PIGK: variants seen among roughly 807,000 people sequenced by gnomAD.
PIGK encodes GPI-anchor transamidase.
Under a neutral mutation model 50.6 loss-of-function variants are expected in PIGK, and 42 were observed. The ratio of observed to expected loss-of-function variants is 0.83; its 90% CI spans 0.65 to 1.07. PIGK has a LOEUF of 1.07. PIGK is among the 50% of genes least tolerant of loss of function. The pLI, the probability that PIGK is intolerant of heterozygous loss-of-function variation, is 0.00. For synonymous variants in PIGK, 151 were observed against 156.0 expected (o/e 0.97, Z 0.24); for missense variants, 448 against 488.7 (o/e 0.92, Z 0.78).
At chr1:77,133,714 C>T (rs1654434387) in intron 9 of PIGK, among the ~76,000 whole-genome samples, 1 of 152,164 alleles carries the variant, frequency 6.6e-6, no homozygotes, top group Admixed American at 6.5e-5. Flanking sequence ...TTTGATAAAA[C>T]TAATTCATTA....
chr1:77,208,840 A>G (rs1256115848), intron 2 of PIGK, among the ~76,000 whole-genome samples: 1 of 152,196 alleles, frequency 6.6e-6, no homozygotes, highest in African/African-American at 2.4e-5. Flanking sequence ...ATAGGAACCT[A>G]TAGATAATTC....
At chr1:77,181,728 CA>C (rs1453726636) in intron 3 of PIGK, among the ~76,000 whole-genome samples, 1 of 152,100 alleles carries the variant, frequency 6.6e-6, no homozygotes, top group Non-Finnish European at 1.5e-5. Context: ...TTCCCCCTGA[CA>C]CAAATTATTA....
intron 9 of PIGK, among the ~76,000 whole-genome samples, chr1:77,127,387 A>T (rs971095833): frequency 1.6e-4 from 24 of 152,190 alleles, no homozygotes; most frequent in African/African-American, 5.6e-4. Flanking sequence ...CCACACTGAG[A>T]TCAGACAATT....
At chr1:77,174,573 T>C (rs1052309582) in intron 3 of PIGK, among the ~76,000 whole-genome samples, 3 of 152,184 alleles carry the variant, frequency 2.0e-5, no homozygotes, top group Non-Finnish European at 2.9e-5. Context: ...GGATAGCTAA[T>C]GGCAGTTATG....
intron 10 of PIGK, 44 bp downstream of exon 10, chr1:77,122,231 T>C (rs755180951): frequency 8.1e-6 from 10 of 1,240,194 alleles, no homozygotes. Flanking sequence ...TTCTCAGCGA[T>C]TAAAAATCTT....
At chr1:77,101,912 G>A (rs1423949909) in intron 10 of PIGK, among the ~76,000 whole-genome samples, 4 of 152,172 alleles carry the variant, frequency 2.6e-5, no homozygotes, top group Admixed American at 6.5e-5. Flanking sequence ...GGGGAGGCAG[G>A]AGAATCACTT....
At chr1:77,198,657 A>C (rs1360328240) in intron 3 of PIGK, among the ~76,000 whole-genome samples, 2 of 152,044 alleles carry the variant, frequency 1.3e-5, no homozygotes, top group African/African-American at 4.8e-5. Context: ...AATAACAAAA[A>C]ATAAGATAAC....
intron 3 of PIGK, among the ~76,000 whole-genome samples, chr1:77,188,579 A>T (rs200622252): frequency 6.6e-6 from 1 of 152,010 alleles, no homozygotes; most frequent in African/African-American, 2.4e-5. Context: ...CCCTGCCTCC[A>T]CTTGCCTTGT....
At chr1:77,096,880 T>A (rs1017929132) in intron 10 of PIGK, among the ~76,000 whole-genome samples, 2 of 99,646 alleles carry the variant, frequency 2.0e-5, no homozygotes, top group Non-Finnish European at 4.0e-5. Context: ...TTCGGGTTTT[T>A]CTTTTTTTTT....
chr1:77,092,261 C>T lies in PIGK; in HGVS notation c.*113G>A, dbSNP rs1479635787. ...TTAATAGTTGATTCAAATTTAGTTT[C>T]CTTATACTTATTTCCAATTCATACA... is the stretch of plus-strand genomic sequence containing the variant. On this transcript the variant is annotated 3_prime_UTR_variant, in exon 11 of 11. Coordinates refer to ENST00000370812, the MANE Select transcript of PIGK (RefSeq NM_005482.3). 1.4e-5 allele frequency: 8 copies of T among 563,476 alleles called. No individual in the cohort carries two copies. Among genetic ancestry groups the T allele is most frequent in the Middle Eastern group, 9.7e-4 (2 of 2,070 alleles). The allele number at this position is 563,476 out of a possible 1,614,324, so 34.9% of individuals were successfully genotyped here.
intron 3 of PIGK, among the ~76,000 whole-genome samples, chr1:77,184,209 G>A (rs11487923): frequency 0.2 from 26,418 of 132,604 alleles, 2,403 homozygotes; most frequent in East Asian, 0.39. Context: ...AATTAATCAC[G>A]GTGCTCCTAG....
chr1:77,201,512 T>G (rs1008864896), intron 3 of PIGK, among the ~76,000 whole-genome samples: 3 of 152,056 alleles, frequency 2.0e-5, no homozygotes, highest in African/African-American at 7.2e-5. Flanking sequence ...GTAATCCCAG[T>G]AGTTTGAGAG....
At chr1:77,205,241 G>C (rs1296773481) in intron 3 of PIGK, among the ~76,000 whole-genome samples, 1 of 151,964 alleles carries the variant, frequency 6.6e-6, no homozygotes, top group Admixed American at 6.6e-5. Flanking sequence ...ATAGACGCAA[G>C]AGCCGTTAAA....
chr1:77,208,837 C>A (rs1656352075), intron 2 of PIGK, among the ~76,000 whole-genome samples: 1 of 152,082 alleles, frequency 6.6e-6, no homozygotes, highest in Non-Finnish European at 1.5e-5. Flanking sequence ...CTTATAGGAA[C>A]CTATAGATAA....
chr1:77,201,512 T>C (rs1008864896), intron 3 of PIGK, among the ~76,000 whole-genome samples: 3 of 152,174 alleles, frequency 2.0e-5, no homozygotes, highest in Middle Eastern at 6.8e-3. Flanking sequence ...GTAATCCCAG[T>C]AGTTTGAGAG....
intron 3 of PIGK, among the ~76,000 whole-genome samples, chr1:77,182,743 A>G (rs991598841): frequency 2.6e-5 from 4 of 151,962 alleles, no homozygotes; most frequent in African/African-American, 9.7e-5. Flanking sequence ...AATGCTAAGG[A>G]CTCTACTTCT....
At chr1:77,206,849 G>T in intron 2 of PIGK, 118 bp from the exon 3 acceptor site, 1 of 592,126 alleles carries the variant, frequency 1.7e-6, no homozygotes, top group Non-Finnish European at 3.0e-6. Flanking sequence ...CATAATTCAG[G>T]CTTTAAAACA....
At chr1:77,102,148 T>C (rs1230896749) in intron 10 of PIGK, among the ~76,000 whole-genome samples, 2 of 152,202 alleles carry the variant, frequency 1.3e-5, no homozygotes, top group African/African-American at 4.8e-5. Flanking sequence ...TTCCATTCAG[T>C]GGATCTCATT....
Position 77,219,430 on chromosome 1 carries a change from T to C in PIGK, c.-28A>G. On this transcript the variant is annotated 5_prime_UTR_variant, in exon 1 of 11. Coordinates refer to ENST00000370812, the MANE Select transcript of PIGK (RefSeq NM_005482.3). ...TTACCGGCTTCAGACTTCCCGCACCTGAAGGGGCGGAGGCAGTGCCGTAAA... is the reference window on the plus strand; with the variant it reads ...TTACCGGCTTCAGACTTCCCGCACCCGAAGGGGCGGAGGCAGTGCCGTAAA... The C allele has an allele frequency of 1.3e-6, 2 of 1,598,600 alleles. No homozygotes were observed.
Sources: gnomAD v4.1 joint callset for allele counts (sites outside exome capture counted in the v4.1 genomes callset) on GRCh38, gnomAD v4.1.1 for gene constraint, MANE v1.5 for transcripts, NCBI Gene and HGNC (gene_info 2026-07-23, HGNC 2026-07-21) for gene names.